ADCY1: variants seen among roughly 807,000 people sequenced by gnomAD.
ADCY1 encodes the protein adenylate cyclase 1, also known as adenylate cyclase type 1.
A neutral mutation model predicts 105.4 loss-of-function variants in ADCY1; 28 were observed. The ratio of observed to expected loss-of-function variants is 0.27; its 90% confidence interval spans 0.20 to 0.36. The LOEUF (loss-of-function observed/expected upper bound fraction) is 0.36. Among genes scored for constraint, ADCY1 ranks in the 10% least tolerant of loss-of-function variants. ADCY1 has a pLI of 1.00. For missense variants in ADCY1, 977 were observed against 1,434.2 expected (o/e 0.68, Z 5.15); for synonymous variants, 655 against 623.8 (o/e 1.05, Z -0.75).
chr7:45,603,389 T>C (rs180699379), intron 2 of ADCY1, among the ~76,000 whole-genome samples: 2 of 152,362 alleles, frequency 1.3e-5, no homozygotes, highest in Admixed American at 6.5e-5. Context: ...CTAGACTGTT[T>C]TCCAAAGTGG....
At chr7:45,685,335 G>GAACAGGATGGAGCTGGGCAGCAGT (rs1784644770) in intron 12 of ADCY1, among the ~76,000 whole-genome samples, 2 of 152,202 alleles carry the variant, frequency 1.3e-5, no homozygotes, top group African/African-American at 4.8e-5. Context: ...AGGGCAGGAG[G>GAACAGGATGGAGCTGGGCAGCAGT]AACAGGATGG....
chr7:45,684,108 G>A (rs1333362799), intron 11 of ADCY1, among the ~76,000 whole-genome samples: 3 of 152,238 alleles, frequency 2.0e-5, no homozygotes, highest in African/African-American at 4.8e-5. Context: ...GCAGAGCAGC[G>A]GTTCTTCTGA....
intron 11 of ADCY1, among the ~76,000 whole-genome samples, chr7:45,681,977 A>G (rs1784566058): frequency 6.6e-6 from 1 of 152,118 alleles, no homozygotes; most frequent in Non-Finnish European, 1.5e-5. Flanking sequence ...CTTCACCCCT[A>G]TCTGGTTTCC....
Position 45,678,013 on chromosome 7 carries a change from G to T in ADCY1, c.1750G>T (p.Asp584Tyr). The change falls in exon 9 of 20, where the codon GAC becomes TAC. Residue 584 changes from aspartate to tyrosine, a missense_variant. Around this residue, in one of 7 missense-constraint regions of ADCY1, gnomAD observed 275 missense variants for 362.1 expected, o/e 0.76. Coordinates refer to ENST00000297323, the MANE Select transcript of ADCY1 (RefSeq NM_021116.4). ...CCGCCAGACAGAGCTGGAGATGGCA[G>T]ACCTGAACTTCTTTACCCTGAAGTA... The part of the protein sequence containing the change: ...EARQTELEMA[D>Y]LNFFTLKYKH... 4 of 1,614,196 alleles carry T rather than the reference G, an allele frequency of 2.5e-6. No individual in the cohort carries two copies. The highest frequency in any genetic ancestry group is 3.4e-6 in the Non-Finnish European group (4 of 1,180,048).
chr7:45,594,134 C>T (rs1479469239), intron 2 of ADCY1, among the ~76,000 whole-genome samples: 1 of 152,054 alleles, frequency 6.6e-6, no homozygotes, highest in Non-Finnish European at 1.5e-5. Flanking sequence ...GCTTTGTAAT[C>T]AGGTAGATGT....
chr7:45,648,447 G>A (rs1475253877), intron 4 of ADCY1, among the ~76,000 whole-genome samples: 1 of 152,266 alleles, frequency 6.6e-6, no homozygotes, highest in African/African-American at 2.4e-5. Flanking sequence ...CCATGAGCGA[G>A]GTATGGGGAA....
chr7:45,627,298 C>A (rs867426887), intron 4 of ADCY1, among the ~76,000 whole-genome samples: 1 of 152,184 alleles, frequency 6.6e-6, no homozygotes, highest in Admixed American at 6.5e-5. Flanking sequence ...CCTTGAAAGC[C>A]CCAAAGGCCA....
intron 12 of ADCY1, 71 bp from the exon 13 acceptor site, chr7:45,685,891 C>A (rs1784661675): frequency 3.3e-6 from 5 of 1,532,664 alleles, no homozygotes; most frequent in Non-Finnish European, 4.4e-6. Context: ...AAGAGGGACA[C>A]CTGAGCATGC....
At chr7:45,678,488 G>A (rs1194753981) in intron 10 of ADCY1, among the ~76,000 whole-genome samples, 1 of 152,072 alleles carries the variant, frequency 6.6e-6, no homozygotes, top group East Asian at 1.9e-4. Context: ...TATGGCATGG[G>A]ACTGGTCACT....
At chr7:45,691,545 C>T (rs7792675) in intron 14 of ADCY1, among the ~76,000 whole-genome samples, 9,588 of 152,288 alleles carry the variant, frequency 0.063, 725 homozygotes, top group African/African-American at 0.18. Context: ...AACAGATAGG[C>T]TTTTCCCTTG....
chr7:45,701,847 G>T (rs564096959), intron 14 of ADCY1, among the ~76,000 whole-genome samples: 2 of 152,190 alleles, frequency 1.3e-5, no homozygotes, highest in Non-Finnish European at 2.9e-5. Flanking sequence ...GCCCATCTGG[G>T]CAGCCAGACC....
intron 8 of ADCY1, among the ~76,000 whole-genome samples, chr7:45,669,793 A>C (rs1784329891): frequency 6.6e-6 from 1 of 152,166 alleles, no homozygotes; most frequent in South Asian, 2.1e-4. Flanking sequence ...ACACTTTTTG[A>C]AACTGATTGC....
rs1785403192 is a variant in ADCY1, at chr7:45,718,597, G to A, written c.*4602G>A. 6.6e-6 allele frequency: 1 copy of A among 152,432 alleles called. No individual in the cohort carries two copies. The highest frequency in any genetic ancestry group is 2.4e-5 in the African/African-American group (1 of 41,464). The allele number at this position is 152,432 out of a possible 1,614,324, so 9.4% of individuals were successfully genotyped here. On this transcript the variant is annotated 3_prime_UTR_variant, in exon 20 of 20. Transcript: ENST00000297323. The stretch of plus-strand genomic sequence containing the variant: ...TTCCATGCTCTTTGGCACCAGGCAG[G>A]AGATGCTGCAGGCAGGTGTCCGTAG...
At position 45,703,397 on chromosome 7, in the gene ADCY1, A is replaced by T; in HGVS notation, c.2476A>T (p.Met826Leu). The part of the protein sequence containing the change: ...AAQAEEERED[M>L]EKVKLDNRRI... The stretch of plus-strand genomic sequence containing the variant: ...CCAGGCAGAGGAGGAGCGAGAGGAC[A>T]TGGAGAAGGTGAAGCTGGACAACAG... Residue 826 changes from methionine to leucine, a missense_variant, in exon 15 of 20, where the codon ATG (methionine) becomes TTG (leucine). By Grantham distance (15) the Met-to-Leu change is conservative. This residue lies in a region of ADCY1 where 152 missense variants were observed against 293.7 expected (regional missense o/e 0.52). Transcript: ENST00000297323. This position sits in a 1 kb window ranked among gnomAD's most constrained non-coding sequence, Gnocchi z 5.9. The T allele has an allele frequency of 6.2e-7, 1 of 1,614,068 alleles. No individual in the cohort carries two copies. Among genetic ancestry groups the T allele is most frequent in the African/African-American group, 1.3e-5 (1 of 75,012 alleles).
intron 14 of ADCY1, among the ~76,000 whole-genome samples, chr7:45,701,278 G>A (rs370369027): frequency 5.3e-5 from 8 of 152,046 alleles, no homozygotes; most frequent in Admixed American, 3.3e-4. Flanking sequence ...AAAGACAGAC[G>A]TTTCTCAGTC....
chr7:45,624,813 C>A (rs1445378387), intron 4 of ADCY1, among the ~76,000 whole-genome samples: 2 of 152,184 alleles, frequency 1.3e-5, no homozygotes, highest in African/African-American at 2.4e-5. Context: ...TCTGGAGGGT[C>A]CCGCTTGGCC....
At chr7:45,627,211 C>T (rs976790672) in intron 4 of ADCY1, among the ~76,000 whole-genome samples, 1 of 152,176 alleles carries the variant, frequency 6.6e-6, no homozygotes, top group Non-Finnish European at 1.5e-5. Context: ...ACAACATCCC[C>T]AGAGCCACAG....
intron 8 of ADCY1, among the ~76,000 whole-genome samples, chr7:45,671,748 A>G (rs1304775278): frequency 6.6e-6 from 1 of 151,954 alleles, no homozygotes; most frequent in African/African-American, 2.4e-5. Context: ...CTGTCTCTTC[A>G]TGTCTTTTGT....
chr7:45,679,769 G>A lies in ADCY1; in HGVS notation c.1959G>A (p.Leu653=), dbSNP rs774809456. The change falls in exon 11 of 20, where the codon CTG becomes CTA. Residue 653 remains leucine (L), a synonymous_variant. Transcript: ENST00000297323. The stretch of plus-strand genomic sequence containing the variant: ...TCTGCTTCCTGGTGGCCTGTGTCCT[G>A]TACCTGCACATCACCCGGGTCCAGG... The part of the protein sequence containing the change: ...FCICFLVACV[L]YLHITRVQCF... The A allele has an allele frequency of 2.5e-6, 4 of 1,614,080 alleles. No individual in the cohort carries two copies. Among genetic ancestry groups the A allele is most frequent in the South Asian group, 1.1e-5 (1 of 91,070 alleles).
Sources: allele counts gnomAD v4.1 joint callset (sites outside exome capture counted in the v4.1 genomes callset), GRCh38; gene constraint gnomAD v4.1.1; regional missense constraint gnomAD v4.1.1; non-coding constraint Gnocchi (gnomAD v3.1); transcripts MANE v1.5; gene names NCBI Gene and HGNC (gene_info 2026-07-23, HGNC 2026-07-21).